ABCC6: variants seen among roughly 807,000 people sequenced by gnomAD.
The protein encoded by ABCC6 is ATP binding cassette subfamily C member 6.
Under a neutral mutation model 169.5 loss-of-function variants are expected in ABCC6, and 126 were observed. That is an observed-to-expected ratio of 0.74 (90% confidence interval 0.64 to 0.86). The LOEUF (loss-of-function observed/expected upper bound fraction) is 0.86. ABCC6 is among the 40% of genes least tolerant of loss of function. ABCC6 has a pLI of 0.00. For synonymous variants in ABCC6, 752 were observed against 814.7 expected (o/e 0.92, Z 1.31); for missense variants, 1,733 against 1,927.2 (o/e 0.90, Z 1.89).
At chr16:16,217,158 G>T (rs1464149859) in intron 4 of ABCC6, among the ~76,000 whole-genome samples, 6 of 152,138 alleles carry the variant, frequency 3.9e-5, no homozygotes, top group Admixed American at 1.3e-4. Flanking sequence ...TCCTCTACTG[G>T]ATTTTATACT....
At chr16:16,171,801 A>AGATAAATGAGTGGGTGGGATGGATG (rs1263294478) in intron 21 of ABCC6, among the ~76,000 whole-genome samples, 31 of 149,882 alleles carry the variant, frequency 2.1e-4, no homozygotes, top group African/African-American at 4.7e-4. Context: ...TGGGATGGAC[A>AGATAAATGAGTGGGTGGGATGGATG]GATAAATGAG....
At position 16,208,933 on chromosome 16, in the gene ABCC6, G is replaced by C. The variant is rs538584486; in HGVS notation, c.663-74C>G. ...CAGGATCCTGGCCAGGCGAGTAGCTGTGTGACCCTGGGTAAGTCACTTTAC... is the reference window on the plus strand; with the variant it reads ...CAGGATCCTGGCCAGGCGAGTAGCTCTGTGACCCTGGGTAAGTCACTTTAC... On this transcript the variant is annotated intron_variant, in intron 6 of 30. Transcript: ENST00000205557. The C allele has an allele frequency of 1.9e-4, 301 of 1,612,498 alleles. 1 individual carries two copies. The African/African-American group carries it at 3.9e-3, about 21-fold the overall frequency.
In ABCC6 at chr16:16,186,915, C is replaced by T. The variant is rs561371130; in HGVS notation, c.1867+209G>A. On this transcript the variant is annotated intron_variant, in intron 14 of 30. Coordinates refer to ENST00000205557, the MANE Select transcript of ABCC6 (RefSeq NM_001171.6). Reference sequence around the variant, plus strand: ...CCCAGGATGGTACAAAGTGGGCGCTCAGTGAGTGGTCGCTGAATGGCTAGC... The same window carrying T: ...CCCAGGATGGTACAAAGTGGGCGCTTAGTGAGTGGTCGCTGAATGGCTAGC... Among the ~76,000 whole-genome samples the T allele has an allele frequency of 4.6e-5, 7 of 152,150 alleles. No individual in the cohort carries two copies. The East Asian group carries it at 1.4e-3, about 29-fold the overall frequency.
chr16:16,152,786 C>T (rs1247110664), intron 29 of ABCC6, among the ~76,000 whole-genome samples: 2 of 152,050 alleles, frequency 1.3e-5, no homozygotes, highest in African/African-American at 4.8e-5. Flanking sequence ...CCTGTGTATA[C>T]TCTTACCCAC....
chr16:16,178,768 G>C (rs2047371590), intron 18 of ABCC6, 30 bp downstream of exon 18: 2 of 1,613,410 alleles, frequency 1.2e-6, no homozygotes, highest in Admixed American at 1.7e-5. Context: ...CCTTTGCCCT[G>C]TACTGTCTGA....
At chr16:16,153,841 T>C (rs899955782) in intron 29 of ABCC6, among the ~76,000 whole-genome samples, 16 of 145,148 alleles carry the variant, frequency 1.1e-4, no homozygotes, top group Admixed American at 4.2e-4. Context: ...GAGGTGGAGG[T>C]TGCAGCGAGC....
chr16:16,178,815 C>T lies in ABCC6; in HGVS notation c.2398G>A (p.Gly800Arg), dbSNP rs1396515363. 1 of 1,613,882 alleles carries T rather than the reference C, an allele frequency of 6.2e-7. No individual in the cohort carries two copies. Among genetic ancestry groups the T allele is most frequent in the Non-Finnish European group, 8.5e-7 (1 of 1,180,026 alleles). The stretch of plus-strand genomic sequence containing the variant: ...AAACTTACTGTTCCCTGGAGTAGTC[C>T]ACCAGGCCCAATGACCTGGTTGAAG... ...HVFNQVIGPG[G>R]LLQGTTRILV... The change falls in exon 18 of 31, where the codon GGA (glycine) becomes AGA (arginine). Residue 800 changes from glycine (G) to arginine (R), a missense_variant. Around this residue, in one of 5 missense-constraint regions of ABCC6, gnomAD observed 1,601 missense variants for 1,635.5 expected, o/e 0.98. Transcript: ENST00000205557.
chr16:16,214,472 T>C, intron 4 of ABCC6, 23 bp from the exon 5 acceptor site: 1 of 1,551,556 alleles, frequency 6.4e-7, no homozygotes, highest in Non-Finnish European at 8.7e-7. Context: ...AAGCAGAAGA[T>C]AAGGAATGGA....
intron 25 of ABCC6, among the ~76,000 whole-genome samples, chr16:16,160,390 C>G (rs772611276): frequency 2.6e-5 from 4 of 151,984 alleles, no homozygotes; most frequent in Non-Finnish European, 5.9e-5. Flanking sequence ...ATAATCCCAG[C>G]TTTTTGGAAG....
At chr16:16,173,551 C>G in intron 20 of ABCC6, 147 bp from the exon 21 acceptor site, 1 of 1,015,414 alleles carries the variant, frequency 9.8e-7, no homozygotes, top group Non-Finnish European at 1.5e-6. Context: ...AGAATACTGA[C>G]CAGATATCAC....
intron 9 of ABCC6, among the ~76,000 whole-genome samples, chr16:16,200,177 A>C (rs973843554): frequency 3.3e-5 from 5 of 152,080 alleles, no homozygotes; most frequent in African/African-American, 1.2e-4. Context: ...CATGTCTGTA[A>C]TCCCAGCACT....
chr16:16,150,333 C>G lies in ABCC6; in HGVS notation c.4404-92G>C, dbSNP rs1021254687. Reference sequence around the variant, plus strand: ...CCCAGTGTGTCTGCGCTGAGGTTTTCTCCATAGAAGTCCTGCTTTCCATGC... The same window carrying G: ...CCCAGTGTGTCTGCGCTGAGGTTTTGTCCATAGAAGTCCTGCTTTCCATGC... On this transcript the variant is annotated intron_variant, in intron 30 of 30. Coordinates refer to ENST00000205557, the MANE Select transcript of ABCC6 (RefSeq NM_001171.6). 5 of 1,586,700 alleles carry G rather than the reference C, an allele frequency of 3.2e-6. No individual in the cohort carries two copies. The South Asian group carries it at 5.6e-5, about 18-fold the overall frequency.
intron 5 of ABCC6, 104 bp downstream of exon 5, chr16:16,214,220 T>G (rs1263519050): frequency 7.5e-5 from 116 of 1,545,306 alleles, no homozygotes; most frequent in Non-Finnish European, 9.7e-5. Flanking sequence ...GTACACTTTT[T>G]GCTGAATGGC....
intron 4 of ABCC6, among the ~76,000 whole-genome samples, chr16:16,219,059 C>CA (rs545447445): frequency 0.21 from 2,126 of 10,350 alleles, 593 homozygotes; most frequent in Non-Finnish European, 0.24. Context: ...GCAAGCCTCT[C>CA]AAAAAAAAAA....
chr16:16,195,338 A>C (rs1229051197), intron 10 of ABCC6, among the ~76,000 whole-genome samples: 1 of 112,364 alleles, frequency 8.9e-6, no homozygotes, highest in Non-Finnish European at 1.7e-5. Flanking sequence ...TTTTAGAAGG[A>C]GTCTCACTCT....
rs928178939 is a variant in ABCC6, at chr16:16,203,455, A to C, written c.953T>G (p.Leu318Arg). The C allele has an allele frequency of 1.9e-6, 3 of 1,613,852 alleles. No individual in the cohort carries two copies. The African/African-American group carries it at 4.0e-5, about 22-fold the overall frequency. The change falls in exon 8 of 31, where the codon CTC becomes CGC. Residue 318 changes from leucine to arginine, a missense_variant. Physicochemically the swap from Leu to Arg is moderately radical, Grantham distance 102. Coordinates refer to ENST00000205557, the MANE Select transcript of ABCC6 (RefSeq NM_001171.6). ...HSTFLLGTLSLIISDVFRFTV... is the reference protein window; with the variant it reads ...HSTFLLGTLSRIISDVFRFTV... ...GAACCTGAAGACATCACTGATGATG[A>C]GGCTGAGGGTCCCCAGGAGGAAGGT... is the stretch of plus-strand genomic sequence containing the variant.
intron 14 of ABCC6, 59 bp downstream of exon 14, chr16:16,187,065 G>C (rs1031366981): frequency 8.7e-5 from 126 of 1,450,474 alleles, no homozygotes; most frequent in Non-Finnish European, 1.2e-4. Flanking sequence ...ATTATGGGCT[G>C]GGGTGGCCCC....
chr16:16,150,343 G>A, intron 30 of ABCC6, 102 bp from the exon 31 acceptor site: 1 of 1,572,862 alleles, frequency 6.4e-7, no homozygotes, highest in Non-Finnish European at 8.6e-7. Context: ...CTCCATAGAA[G>A]TCCTGCTTTC....
chr16:16,202,118 G>T lies in ABCC6; in HGVS notation c.1059C>A (p.Ala353=), dbSNP rs150016641. ...KPPAWKGYLL[A]VLMFLSACLQ... is the part of the protein sequence containing the mutation. ...GGCAGGCTGAGAGGAACATCAGCAC[G>T]GCGAGGAGGTAGCCCTTCCAGGCTG... The change falls in exon 9 of 31, where the codon GCC becomes GCA. Residue 353 remains alanine, a synonymous_variant. Transcript: ENST00000205557. 9.3e-6 allele frequency: 15 copies of T among 1,613,948 alleles called. No individual in the cohort carries two copies. Among genetic ancestry groups the T allele is most frequent in the Non-Finnish European group, 1.2e-5 (14 of 1,179,874 alleles).
Sources: gnomAD v4.1 joint callset for allele counts (sites outside exome capture counted in the v4.1 genomes callset) on GRCh38, gnomAD v4.1.1 for gene constraint, gnomAD v4.1.1 regional missense constraint, MANE v1.5 for transcripts, NCBI Gene and HGNC (gene_info 2026-07-23, HGNC 2026-07-21) for gene names.